ACTR6: variants seen among roughly 807,000 people sequenced by gnomAD.
ACTR6 encodes the protein actin related protein 6.
A neutral mutation model predicts 52.5 loss-of-function variants in ACTR6; 50 were observed. The ratio of observed to expected loss-of-function variants is 0.95; its 90% confidence interval spans 0.76 to 1.20. ACTR6 has a LOEUF of 1.20. Ranked by LOEUF, ACTR6 falls within the 50% of genes most tolerant of loss-of-function variation. The probability of loss-of-function intolerance (pLI) is 0.00; values close to 1 mark genes in which losing one functional copy is unlikely to be tolerated. For synonymous variants in ACTR6, 135 were observed against 147.2 expected (o/e 0.92, Z 0.60); for missense variants, 344 against 472.4 (o/e 0.73, Z 2.52).
rs768958287 is a variant in ACTR6 at position 100,220,104 on chromosome 12, T to G, written c.1019T>G (p.Leu340Arg). The G allele has an allele frequency of 3.2e-5, 51 of 1,613,880 alleles. No individual in the cohort carries two copies. Among genetic ancestry groups the G allele is most frequent in the Non-Finnish European group, 4.2e-5 (50 of 1,179,928 alleles). ...CGGGTTTACTCAGAAGTTCGATGTCTTACTCCAACAGATTATGATGTTTCT... is the reference window on the plus strand; with the variant it reads ...CGGGTTTACTCAGAAGTTCGATGTCGTACTCCAACAGATTATGATGTTTCT... ...RDRVYSEVRC[L>R]TPTDYDVSVV... The change falls in exon 10 of 11, where the codon CTT becomes CGT. Residue 340 changes from leucine (L) to arginine (R), a missense_variant. Coordinates refer to ENST00000188312, the MANE Select transcript of ACTR6 (RefSeq NM_022496.5).
chr12:100,213,936 T>C (rs2096122026), intron 8 of ACTR6, among the ~76,000 whole-genome samples: 1 of 152,208 alleles, frequency 6.6e-6, no homozygotes, highest in South Asian at 2.1e-4. Context: ...CAGTGTACTT[T>C]AAAATAATGA....
At chr12:100,217,170 G>A (rs980166823) in intron 8 of ACTR6, among the ~76,000 whole-genome samples, 2 of 152,180 alleles carry the variant, frequency 1.3e-5, no homozygotes, top group Non-Finnish European at 2.9e-5. Context: ...TATGTAATAT[G>A]TTTAATGAAT....
chr12:100,222,697 G>A (rs1356684562), intron 10 of ACTR6, among the ~76,000 whole-genome samples: 1 of 152,096 alleles, frequency 6.6e-6, no homozygotes, highest in African/African-American at 2.4e-5. Context: ...CATCATACTT[G>A]GCTAGAAAAT....
intron 6 of ACTR6, among the ~76,000 whole-genome samples, chr12:100,211,010 A>G (rs2096119465): frequency 6.6e-6 from 1 of 151,990 alleles, no homozygotes; most frequent in Non-Finnish European, 1.5e-5. Context: ...TTCTTTTTAC[A>G]ATTTTATTAT....
chr12:100,204,514 C>T, intron 1 of ACTR6, among the ~76,000 whole-genome samples: 1 of 152,176 alleles, frequency 6.6e-6, no homozygotes, highest in Non-Finnish European at 1.5e-5. Flanking sequence ...GCATGTGCCA[C>T]CATGCCTGGC....
intron 8 of ACTR6, among the ~76,000 whole-genome samples, chr12:100,214,582 A>G (rs1278188869): frequency 1.3e-5 from 2 of 151,570 alleles, no homozygotes; most frequent in Non-Finnish European, 2.9e-5. Context: ...AAAAAAAATT[A>G]AAATTAGCTG....
In ACTR6 at chr12:100,210,611, C is replaced by T. The variant is rs1015028933; in HGVS notation, c.572+260C>T. Among the ~76,000 whole-genome samples the T allele has an allele frequency of 7.9e-5, 12 of 151,300 alleles. No homozygotes were observed. The East Asian group carries it at 1.6e-3, about 20-fold the overall frequency. ...GTACACACCTGTAATCCCAGCTACT[C>T]GGGAGGCTGAGGCATGAGAATCATT... On this transcript the variant is annotated intron_variant, in intron 6 of 10. Transcript: ENST00000188312.
At chr12:100,206,552 T>G (rs1179360592) in intron 3 of ACTR6, among the ~76,000 whole-genome samples, 4 of 152,158 alleles carry the variant, frequency 2.6e-5, no homozygotes, top group Non-Finnish European at 5.9e-5. Context: ...GACATGGGGT[T>G]TCACCATGTT....
In ACTR6 at chr12:100,200,902, C is replaced by T. The variant is rs2096109068; in HGVS notation, c.51C>T (p.Tyr17=). 6.2e-7 allele frequency: 1 copy of T among 1,614,160 alleles called. No homozygotes were observed. The highest frequency in any genetic ancestry group is 8.5e-7 in the Non-Finnish European group (1 of 1,180,022). The part of the protein sequence containing the change: ...DNGAYNAKIG[Y]SHENVSVIPN... ...GAGCTTACAACGCCAAAATCGGTTA[C>T]AGCCATGAAAATGTGTCGTAAGTAC... The change falls in exon 1 of 11, where the codon TAC becomes TAT. Residue 17 remains tyrosine (Y), a synonymous_variant. Coordinates refer to ENST00000188312, the MANE Select transcript of ACTR6 (RefSeq NM_022496.5).
Position 100,205,712 on chromosome 12 carries a change from T to C in ACTR6, c.223T>C (p.Trp75Arg). ...LVNWDVQRQV[W>R]DYLFGKEMYQ... ...GAATTGGGATGTTCAGAGACAAGTT[T>C]GGGATTACCTTTTTGGAAAAGAAAT... The change falls in exon 3 of 11, where the codon TGG becomes CGG. Residue 75 changes from tryptophan (W) to arginine (R), a missense_variant. By Grantham distance (101) the Trp-to-Arg change is moderately radical. Coordinates refer to ENST00000188312, the MANE Select transcript of ACTR6 (RefSeq NM_022496.5). 6.6e-7 allele frequency: 1 copy of C among 1,523,322 alleles called. No homozygotes were observed. Among genetic ancestry groups the C allele is most frequent in the Non-Finnish European group, 8.8e-7 (1 of 1,137,714 alleles). The allele number at this position is 1,523,322 out of a possible 1,614,324, so 94.4% of individuals were successfully genotyped here.
chr12:100,220,364 A>G (rs945485671), intron 10 of ACTR6, among the ~76,000 whole-genome samples: 7 of 152,340 alleles, frequency 4.6e-5, no homozygotes, highest in African/African-American at 7.2e-5. Flanking sequence ...TTCATACACA[A>G]TGGGTGCTTA....
intron 6 of ACTR6, among the ~76,000 whole-genome samples, chr12:100,211,981 G>A (rs1203917192): frequency 6.6e-6 from 1 of 152,102 alleles, no homozygotes; most frequent in African/African-American, 2.4e-5. Flanking sequence ...GTTTGCGGGG[G>A]AATGTTTGAT....
At chr12:100,214,720 A>G (rs1279761737) in intron 8 of ACTR6, among the ~76,000 whole-genome samples, 3 of 152,144 alleles carry the variant, frequency 2.0e-5, no homozygotes, top group Admixed American at 1.3e-4. Context: ...TGGGCAACAG[A>G]GCCAGATCCT....
chr12:100,205,807 A>G, intron 3 of ACTR6, 63 bp downstream of exon 3: 1 of 958,468 alleles, frequency 1.0e-6, no homozygotes, highest in South Asian at 2.2e-5. Context: ...AAAAATTAGA[A>G]TTTACATTTT....
At chr12:100,214,831 G>C (rs934301367) in intron 8 of ACTR6, among the ~76,000 whole-genome samples, 2 of 152,188 alleles carry the variant, frequency 1.3e-5, no homozygotes, top group Admixed American at 1.3e-4. Flanking sequence ...ATAGATGATG[G>C]GATAAGGTTG....
At chr12:100,221,965 T>A (rs528051069) in intron 10 of ACTR6, among the ~76,000 whole-genome samples, 50 of 152,104 alleles carry the variant, frequency 3.3e-4, no homozygotes, top group Non-Finnish European at 5.7e-4. Context: ...ATTTTTTTTT[T>A]ATTTTTTGAG....
chr12:100,205,733 G>A lies in ACTR6; in HGVS notation c.244G>A (p.Glu82Lys). ...RQVWDYLFGK[E>K]MYQVDFLDTN... ...AGTTTGGGATTACCTTTTTGGAAAA[G>A]AAATGTATCAGGTAACAAATTAGAG... The change falls in exon 3 of 11, where the codon GAA (glutamate) becomes AAA (lysine). Residue 82 changes from glutamate to lysine, a missense_variant. Physicochemically the swap from Glu to Lys is moderately conservative, Grantham distance 56 (BLOSUM62 1). Transcript: ENST00000188312. The A allele has an allele frequency of 6.6e-7, 1 of 1,512,008 alleles. No homozygotes were observed. The highest frequency in any genetic ancestry group is 8.9e-7 in the Non-Finnish European group (1 of 1,128,864). The allele number at this position is 1,512,008 out of a possible 1,614,324, so 93.7% of individuals were successfully genotyped here. A position where few individuals can be genotyped will look rare whatever the true frequency, so the allele number is the denominator to read the frequency against.
chr12:100,213,662 A>G (rs1267513808), intron 8 of ACTR6, among the ~76,000 whole-genome samples: 1 of 152,190 alleles, frequency 6.6e-6, no homozygotes, highest in African/African-American at 2.4e-5. Flanking sequence ...GCCAAATTCT[A>G]CTTCTGTTTG....
intron 8 of ACTR6, among the ~76,000 whole-genome samples, chr12:100,215,795 A>T (rs1382345769): frequency 6.6e-6 from 1 of 152,092 alleles, no homozygotes; most frequent in African/African-American, 2.4e-5. Context: ...AATTTTTTAT[A>T]TTGTTTTGAT....
Sources: gnomAD v4.1 joint callset for allele counts (sites outside exome capture counted in the v4.1 genomes callset) on GRCh38, gnomAD v4.1.1 for gene constraint, MANE v1.5 for transcripts, NCBI Gene and HGNC (gene_info 2026-07-23, HGNC 2026-07-21) for gene names.